CRYBG1: variants seen among roughly 807,000 people sequenced by gnomAD.
CRYBG1 encodes the protein beta/gamma crystallin domain-containing protein 1.
In CRYBG1, 139 loss-of-function variants were observed where a neutral mutation model predicts 189.2. The ratio of observed to expected loss-of-function variants is 0.73; its 90% CI spans 0.64 to 0.85. The LOEUF is 0.85. Among genes scored for constraint, CRYBG1 ranks in the 40% least tolerant of loss-of-function variants. The pLI, the probability that CRYBG1 is intolerant of heterozygous loss-of-function variation, is 0.00. For synonymous variants in CRYBG1, 1,023 were observed against 1,017.1 expected, an observed-to-expected ratio of 1.01 and a Z score of -0.11; for missense variants, 2,611 against 2,675.8, an observed-to-expected ratio of 0.98 and a Z score of 0.53.
intron 1 of CRYBG1, among the ~76,000 whole-genome samples, chr6:106,439,298 T>G (rs1314335995): frequency 6.6e-6 from 1 of 152,158 alleles, no homozygotes; most frequent in African/African-American, 2.4e-5. Context: ...TCCTTTTTAA[T>G]TTTATGAATT....
chr6:106,449,593 A>C (rs1490710744), intron 1 of CRYBG1: 1 of 152,238 alleles, frequency 6.6e-6, no homozygotes, highest in East Asian at 1.9e-4. Flanking sequence ...GTACTGGAAC[A>C]ATTAATAAAA....
intron 1 of CRYBG1, among the ~76,000 whole-genome samples, chr6:106,427,352 C>T (rs576460102): frequency 2.0e-5 from 3 of 152,320 alleles, no homozygotes; most frequent in African/African-American, 7.2e-5. Context: ...CTCCCAAGAC[C>T]TGCTCCTTCC....
chr6:106,442,849 T>C (rs1344778007), intron 1 of CRYBG1, among the ~76,000 whole-genome samples: 2 of 152,138 alleles, frequency 1.3e-5, no homozygotes, highest in South Asian at 2.1e-4. Flanking sequence ...GCCTGGAATA[T>C]AGGGTGTGTA....
At chr6:106,508,611 G>A (rs1348550213) in intron 2 of CRYBG1, among the ~76,000 whole-genome samples, 1 of 152,164 alleles carries the variant, frequency 6.6e-6, no homozygotes, top group African/African-American at 2.4e-5. Flanking sequence ...GTCTGCAAAA[G>A]CATTTAGCAT....
chr6:106,417,129 G>A (rs2114381915), intron 1 of CRYBG1, among the ~76,000 whole-genome samples: 1 of 150,732 alleles, frequency 6.6e-6, no homozygotes, highest in East Asian at 1.9e-4. Flanking sequence ...AGCCTCCTGA[G>A]TAGCTGAGAC....
intron 1 of CRYBG1, among the ~76,000 whole-genome samples, chr6:106,387,429 G>A (rs1005795993): frequency 1.5e-4 from 23 of 152,184 alleles, no homozygotes; most frequent in Admixed American, 1.3e-3. Flanking sequence ...AAGCATGAAA[G>A]GACTGTACGT....
intron 1 of CRYBG1, among the ~76,000 whole-genome samples, chr6:106,427,598 G>A (rs528783699): frequency 6.6e-6 from 1 of 152,116 alleles, no homozygotes; most frequent in Non-Finnish European, 1.5e-5. Flanking sequence ...CAGCCTTTGT[G>A]GTCTTCCTGT....
intron 8 of CRYBG1, 63 bp downstream of exon 8, chr6:106,530,378 A>G: frequency 6.9e-7 from 1 of 1,457,382 alleles, no homozygotes; most frequent in Non-Finnish European, 9.3e-7. Flanking sequence ...TACTGGAAAA[A>G]GAGGACTTAA....
intron 1 of CRYBG1, among the ~76,000 whole-genome samples, chr6:106,415,133 A>C (rs1032156195): frequency 1.2e-4 from 19 of 152,318 alleles, no homozygotes; most frequent in African/African-American, 4.6e-4. Flanking sequence ...CAAAGTCAAA[A>C]CTGGCAGAAT....
At chr6:106,558,413 CAA>C in intron 17 of CRYBG1, 71 bp from the exon 18 acceptor site, 2 of 1,310,484 alleles carry the variant, frequency 1.5e-6, no homozygotes, top group Non-Finnish European at 2.1e-6. Flanking sequence ...GTCCTTGTAA[CAA>C]GATGATTTTC....
At chr6:106,507,097 C>A (rs964530223) in intron 2 of CRYBG1, among the ~76,000 whole-genome samples, 1 of 152,202 alleles carries the variant, frequency 6.6e-6, no homozygotes, top group Non-Finnish European at 1.5e-5. Flanking sequence ...GGTTGAGAAT[C>A]ACCTAACAGC....
chr6:106,549,916 G>T (rs1436798962), intron 13 of CRYBG1, among the ~76,000 whole-genome samples: 4 of 152,168 alleles, frequency 2.6e-5, no homozygotes, highest in Non-Finnish European at 5.9e-5. Flanking sequence ...TTTTAGGCAT[G>T]GTTTACTAGA....
intron 1 of CRYBG1, among the ~76,000 whole-genome samples, chr6:106,415,866 T>C (rs1239720961): frequency 3.3e-5 from 5 of 152,214 alleles, no homozygotes; most frequent in Admixed American, 3.3e-4. Flanking sequence ...CATTTCCTCA[T>C]GTGGGCAACG....
rs562549485 is a variant in CRYBG1 at position 106,481,254 on chromosome 6, G to A, written c.312+29422G>A. Among the ~76,000 whole-genome samples the A allele has an allele frequency of 8.4e-4, 49 of 58,650 alleles. 9 individuals are homozygous for A. The South Asian group carries it at 0.016, about 20-fold the overall frequency. The allele number at this position is 58,650 out of a possible 152,430, so 38.5% of individuals were successfully genotyped here. ...CTCCCAAAGTGCTGGGATTACAGGC[G>A]TGAGCCACCGCGCCCGGCCGAGACT... On this transcript the variant is annotated intron_variant, in intron 2 of 21. Coordinates refer to ENST00000633556, the MANE Select transcript of CRYBG1 (RefSeq NM_001371242.2).
chr6:106,523,645 A>G (rs2114545582), intron 4 of CRYBG1, among the ~76,000 whole-genome samples: 1 of 151,606 alleles, frequency 6.6e-6, no homozygotes, highest in South Asian at 2.1e-4. Flanking sequence ...CTTTTTCTTC[A>G]GTTTATCTAC....
intron 2 of CRYBG1, among the ~76,000 whole-genome samples, chr6:106,453,723 G>A (rs1771829322): frequency 6.6e-6 from 1 of 152,244 alleles, no homozygotes; most frequent in Admixed American, 6.5e-5. Context: ...AGTTCCTTGA[G>A]GTAGGTGGCA....
intron 1 of CRYBG1, among the ~76,000 whole-genome samples, chr6:106,413,523 A>G (rs1244903294): frequency 1.3e-5 from 2 of 152,092 alleles, no homozygotes; most frequent in East Asian, 3.9e-4. Flanking sequence ...CTAAACATAC[A>G]AAAATTAGCC....
intron 1 of CRYBG1, among the ~76,000 whole-genome samples, chr6:106,407,025 A>G (rs1169260785): frequency 6.6e-6 from 1 of 152,248 alleles, no homozygotes; most frequent in Non-Finnish European, 1.5e-5. Context: ...TCAAATTCAC[A>G]TATAACAATA....
chr6:106,432,874 C>G (rs1424483115), intron 1 of CRYBG1, among the ~76,000 whole-genome samples: 1 of 134,958 alleles, frequency 7.4e-6, no homozygotes, highest in Non-Finnish European at 1.5e-5. Flanking sequence ...GAGTCTCACT[C>G]TGTTGCCCAG....
Sources: allele counts gnomAD v4.1 joint callset (sites outside exome capture counted in the v4.1 genomes callset), GRCh38; gene constraint gnomAD v4.1.1; transcripts MANE v1.5; gene names NCBI Gene and HGNC (gene_info 2026-07-23, HGNC 2026-07-21).